The following KDM7A variants were observed in gnomAD, a reference collection of about 807,000 sequenced individuals.
The protein encoded by KDM7A is lysine demethylase 7A.
A neutral mutation model predicts 114.8 loss-of-function variants in KDM7A; 28 were observed. That is an observed-to-expected ratio of 0.24 (90% CI 0.18 to 0.33). The LOEUF is 0.33. Ranked by LOEUF, KDM7A falls within the 10% of genes least tolerant of loss-of-function variation. KDM7A has a pLI of 1.00. For missense variants in KDM7A, 942 were observed against 1,142.5 expected (o/e 0.82, Z 2.53); for synonymous variants, 423 against 397.8 (o/e 1.06, Z -0.75).
intron 12 of KDM7A, among the ~76,000 whole-genome samples, chr7:140,100,714 A>ATATATATATATATATATATATATACACG (rs1818201903): frequency 3.7e-5 from 1 of 27,194 alleles, no homozygotes; most frequent in Non-Finnish European, 1.1e-4. Flanking sequence ...ATATACACAT[A>ATATATATATATATATATATATATACACG]TATATATATA....
chr7:140,105,057 G>A (rs1299690006), intron 11 of KDM7A, among the ~76,000 whole-genome samples: 2 of 152,166 alleles, frequency 1.3e-5, no homozygotes, highest in Non-Finnish European at 2.9e-5. Flanking sequence ...AAGCAATTGT[G>A]AATGGGAGTT....
At chr7:140,115,750 G>A (rs1269514215) in intron 9 of KDM7A, among the ~76,000 whole-genome samples, 1 of 149,418 alleles carries the variant, frequency 6.7e-6, no homozygotes, top group Non-Finnish European at 1.5e-5. Context: ...CCATGACCCT[G>A]CCAAATCCCC....
chr7:140,104,983 T>C (rs1470509947), intron 11 of KDM7A, among the ~76,000 whole-genome samples: 4 of 152,214 alleles, frequency 2.6e-5, no homozygotes, highest in African/African-American at 9.7e-5. Context: ...TGGTTTGTAG[T>C]TCTCCTTGAA....
chr7:140,162,466 G>C (rs577856395), intron 1 of KDM7A, among the ~76,000 whole-genome samples: 2 of 152,148 alleles, frequency 1.3e-5, no homozygotes, highest in Non-Finnish European at 2.9e-5. Context: ...ACAAAACATT[G>C]AGACTGTTTT....
At chr7:140,121,093 G>A (rs1177521716) in intron 7 of KDM7A, among the ~76,000 whole-genome samples, 2 of 152,182 alleles carry the variant, frequency 1.3e-5, no homozygotes, top group African/African-American at 4.8e-5. Context: ...CTAAGCAGAG[G>A]AGGATCAGAG....
intron 1 of KDM7A, among the ~76,000 whole-genome samples, chr7:140,165,950 C>T (rs1469052424): frequency 1.3e-5 from 2 of 152,148 alleles, no homozygotes; most frequent in African/African-American, 2.4e-5. Flanking sequence ...TGCTGCTGCA[C>T]CTTAAACTGC....
At chr7:140,115,821 T>TA (rs35674371) in intron 9 of KDM7A, among the ~76,000 whole-genome samples, 5 of 117,812 alleles carry the variant, frequency 4.2e-5, no homozygotes, top group Admixed American at 8.6e-5. Flanking sequence ...AATAAATAAA[T>TA]AAAAAAAAAT....
In KDM7A at chr7:140,164,331, T is replaced by C. The variant is rs926984471; in HGVS notation, c.194+12413A>G. 7.9e-5 allele frequency among the ~76,000 whole-genome samples: 12 copies of C among 152,226 alleles called. 1 individual carries two copies. The highest frequency in any genetic ancestry group is 2.9e-4 in the African/African-American group (12 of 41,462). On this transcript the variant is annotated intron_variant, in intron 1 of 19. Transcript: ENST00000397560. Reference sequence around the variant, plus strand: ...TCAGGGTTTCTCAACAACAACACTATGGAGATTTTAGACTAGATCATTCTT... The same window carrying C: ...TCAGGGTTTCTCAACAACAACACTACGGAGATTTTAGACTAGATCATTCTT...
rs191706404 is a variant in KDM7A, at chr7:140,112,950, C to G, written c.1338+541G>C. Among the ~76,000 whole-genome samples the G allele has an allele frequency of 1.9e-3, 286 of 152,278 alleles. 4 individuals are homozygous for G. Among genetic ancestry groups the G allele is most frequent in the Non-Finnish European group, 7.6e-4 (52 of 68,024 alleles). On this transcript the variant is annotated intron_variant, in intron 10 of 19. Transcript: ENST00000397560. ...GCTCATGCTTGAAATTTGGTCTCTC[C>G]TTTCCTTCACTTTTACATAAATCTA... is the stretch of plus-strand genomic sequence containing the variant.
At chr7:140,159,689 CACA>C in intron 1 of KDM7A, among the ~76,000 whole-genome samples, 1 of 152,148 alleles carries the variant, frequency 6.6e-6, no homozygotes, top group African/African-American at 2.4e-5. Context: ...GGCAGTTTCT[CACA>C]TCCCTGGAAC....
At position 140,176,869 on chromosome 7, in the gene KDM7A, C is replaced by T. The variant is rs759556703; in HGVS notation, c.69G>A (p.Val23=). ...AAGAAAAAVS[V]AAPGRASAPP... ...GCGCCGAGGCCCGGCCGGGAGCCGC[C>T]ACCGACACGGCTGCCGCGGCGGCTC... The change falls in exon 1 of 20, where the codon GTG becomes GTA. Residue 23 remains valine (V), a synonymous_variant. Transcript: ENST00000397560. The surrounding 1 kb of genome is among the most constrained non-coding windows in gnomAD (Gnocchi z 4.4). The T allele has an allele frequency of 2.4e-6, 3 of 1,257,748 alleles. No homozygotes were observed. The highest frequency in any genetic ancestry group is 2.0e-6 in the Non-Finnish European group (2 of 988,202). The allele number at this position is 1,257,748 out of a possible 1,614,324, so 77.9% of individuals were successfully genotyped here. A position where few individuals can be genotyped will look rare whatever the true frequency, so the allele number is the denominator to read the frequency against.
rs1818135969 is a variant in KDM7A, at chr7:140,097,561, G to A, written c.2000C>T (p.Pro667Leu). 1 of 1,592,854 alleles carries A rather than the reference G, an allele frequency of 6.3e-7. No individual in the cohort carries two copies. The highest frequency in any genetic ancestry group is 8.6e-7 in the Non-Finnish European group (1 of 1,160,984). ...SDISESEDSG[P>L]ECTALKSIFT... Reference sequence around the variant, plus strand: ...CAGGCGTACCAGTGCAGTGCACTCGGGTCCGGAGTCTTCTGACTCAGAAAT... The same window carrying A: ...CAGGCGTACCAGTGCAGTGCACTCGAGTCCGGAGTCTTCTGACTCAGAAAT... Residue 667 changes from proline (P) to leucine (L), a missense_variant, in exon 15 of 20, where the codon CCC (proline) becomes CTC (leucine). By Grantham distance (98) the Pro-to-Leu change is moderately conservative (BLOSUM62 -3). Transcript: ENST00000397560.
rs2116775787 is a variant in KDM7A, at chr7:140,113,592, T to C, written c.1247-10A>G. ...CCATCTTCTCTCAGTTCTGTAGGAA[T>C]GGAAATGGGGTGAGAAAAAAAAATA... On this transcript the variant is annotated splice_polypyrimidine_tract_variant and intron_variant, in intron 9 of 19. Coordinates refer to ENST00000397560, the MANE Select transcript of KDM7A (RefSeq NM_030647.2). 2 of 1,493,924 alleles carry C rather than the reference T, an allele frequency of 1.3e-6. No homozygotes were observed. Among genetic ancestry groups the C allele is most frequent in the African/African-American group, 1.4e-5 (1 of 72,308 alleles). The allele number at this position is 1,493,924 out of a possible 1,614,324, so 92.5% of individuals were successfully genotyped here.
chr7:140,119,283 C>A, intron 8 of KDM7A, 64 bp from the exon 9 acceptor site: 3 of 870,298 alleles, frequency 3.4e-6, no homozygotes, highest in South Asian at 3.5e-5. Flanking sequence ...TGAAAGTAAC[C>A]AACTGGAAAA....
In KDM7A at chr7:140,124,774, T is replaced by C. The variant is rs1213488168; in HGVS notation, c.898A>G (p.Ile300Val). 6.2e-7 allele frequency: 1 copy of C among 1,604,450 alleles called. No individual in the cohort carries two copies. The highest frequency in any genetic ancestry group is 8.5e-7 in the Non-Finnish European group (1 of 1,174,432). The change falls in exon 7 of 20, where the codon ATT (isoleucine) becomes GTT (valine). Residue 300 changes from isoleucine (I) to valine (V), a missense_variant. By Grantham distance (29) the Ile-to-Val change is conservative (BLOSUM62 3). Transcript: ENST00000397560. ...TCTGTTGGCTTTATTAAATAAAAAA[T>C]CTTCTCACCCTAAAAGGAAGTATCA... Reference protein sequence around the residue: ...VWYHVLWGEKIFYLIKPTDEN... With the variant: ...VWYHVLWGEKVFYLIKPTDEN...
At chr7:140,166,142 G>A (rs577933493) in intron 1 of KDM7A, among the ~76,000 whole-genome samples, 9 of 152,064 alleles carry the variant, frequency 5.9e-5, no homozygotes, top group South Asian at 2.1e-4. Context: ...CGTAGTTGCC[G>A]GCATCCACTG....
intron 2 of KDM7A, among the ~76,000 whole-genome samples, chr7:140,137,210 A>G (rs1184020674): frequency 6.6e-6 from 1 of 152,212 alleles, no homozygotes; most frequent in African/African-American, 2.4e-5. Flanking sequence ...TATGTTCTTC[A>G]GGGATGAGAA....
intron 3 of KDM7A, 73 bp downstream of exon 3, chr7:140,133,466 T>G: frequency 1.2e-6 from 1 of 848,180 alleles, no homozygotes; most frequent in Non-Finnish European, 1.9e-6. Context: ...AACATTGCCT[T>G]TATATAATGT....
chr7:140,091,860 T>A lies in KDM7A; in HGVS notation c.2675A>T (p.His892Leu). 1.2e-6 allele frequency: 2 copies of A among 1,613,778 alleles called. No homozygotes were observed. Among genetic ancestry groups the A allele is most frequent in the Non-Finnish European group, 1.7e-6 (2 of 1,179,940 alleles). Residue 892 changes from histidine (H) to leucine (L), a missense_variant, in exon 19 of 20, where the codon CAC (histidine) becomes CTC (leucine). Around this residue, in one of 4 missense-constraint regions of KDM7A, gnomAD observed 512 missense variants for 576.6 expected, o/e 0.89. Transcript: ENST00000397560. ...VGETSFSVPL[H>L]PTKRPASNPP... ...ATTTGATGCCGGTCTCTTGGTGGGG[T>A]GAAGGGGCACCGAGAAGGAAGTTTC...
Sources: allele counts gnomAD v4.1 joint callset (sites outside exome capture counted in the v4.1 genomes callset), GRCh38; gene constraint gnomAD v4.1.1; regional missense constraint gnomAD v4.1.1; non-coding constraint Gnocchi (gnomAD v3.1); transcripts MANE v1.5; gene names NCBI Gene and HGNC (gene_info 2026-07-23, HGNC 2026-07-21).